HYCC2: variants seen among roughly 807,000 people sequenced by gnomAD.
HYCC2 encodes the protein hyccin 2.
chr2:201,060,864 T>A, the HYCC2 span, among the ~76,000 whole-genome samples: 1 of 151,980 alleles, frequency 6.6e-6, no homozygotes, highest in African/African-American at 2.4e-5. Flanking sequence ...GAAGCAAGAC[T>A]GAAAAAAGAG....
chr2:200,995,026 A>G, the HYCC2 span, among the ~76,000 whole-genome samples: 2 of 151,892 alleles, frequency 1.3e-5, no homozygotes. Flanking sequence ...AAAAAGAAAG[A>G]AAAAAATTCT....
the HYCC2 span, among the ~76,000 whole-genome samples, chr2:201,024,759 T>C: frequency 2.9e-3 from 435 of 152,222 alleles, 2 homozygotes; most frequent in African/African-American, 0.01. Flanking sequence ...GCAAACTGAA[T>C]ATAAACATAT....
the HYCC2 span, among the ~76,000 whole-genome samples, chr2:201,044,241 T>C: frequency 6.6e-6 from 1 of 152,172 alleles, no homozygotes; most frequent in Non-Finnish European, 1.5e-5. Flanking sequence ...AATGATGACC[T>C]TTTTATTATT....
the HYCC2 span, among the ~76,000 whole-genome samples, chr2:201,001,144 A>AT: frequency 6.6e-6 from 1 of 151,592 alleles, no homozygotes; most frequent in Non-Finnish European, 1.5e-5. Flanking sequence ...TCTCAAAAAA[A>AT]AAAAAAAAAA....
chr2:201,054,349 G>C, the HYCC2 span, among the ~76,000 whole-genome samples: 1 of 152,166 alleles, frequency 6.6e-6, no homozygotes, highest in Non-Finnish European at 1.5e-5. Context: ...CTATAACTGT[G>C]AATAAAATGA....
the HYCC2 span, among the ~76,000 whole-genome samples, chr2:201,056,609 G>A: frequency 6.6e-6 from 1 of 151,596 alleles, no homozygotes; most frequent in Non-Finnish European, 1.5e-5. Context: ...GGGAGGCGGA[G>A]GTTGCGGTGA....
the HYCC2 span, among the ~76,000 whole-genome samples, chr2:201,058,534 G>A: frequency 1.5e-3 from 224 of 152,182 alleles, 1 homozygote; most frequent in South Asian, 0.017. Flanking sequence ...GTGAAACCCC[G>A]TCTCTACTAA....
At chr2:201,008,607 T>C in the HYCC2 span, among the ~76,000 whole-genome samples, 3 of 151,752 alleles carry the variant, frequency 2.0e-5, no homozygotes, top group South Asian at 6.2e-4. Context: ...AATAAATAAA[T>C]AAATGGGCCA....
At chr2:201,059,635 G>T in the HYCC2 span, among the ~76,000 whole-genome samples, 7,886 of 152,072 alleles carry the variant, frequency 0.052, 474 homozygotes, top group African/African-American at 0.14. Flanking sequence ...TCCAAAGAAG[G>T]CCTCTCCCCT....
the HYCC2 span, among the ~76,000 whole-genome samples, chr2:201,012,593 A>G: frequency 2.4e-3 from 363 of 152,332 alleles, 1 homozygote; most frequent in African/African-American, 8.0e-3. Flanking sequence ...AAAAAAGACA[A>G]TGGACAATGG....
At chr2:201,047,318 T>C in the HYCC2 span, among the ~76,000 whole-genome samples, 45 of 149,094 alleles carry the variant, frequency 3.0e-4, no homozygotes, top group African/African-American at 1.1e-3. Flanking sequence ...AACTGAAGCA[T>C]AAAGGGAAAA....
chr2:201,008,721 C>A, the HYCC2 span, among the ~76,000 whole-genome samples: 1 of 152,024 alleles, frequency 6.6e-6, no homozygotes, highest in Non-Finnish European at 1.5e-5. Flanking sequence ...ATAGCAAGAC[C>A]TTTTCTCTAC....
chr2:201,067,938 T>C, the HYCC2 span, among the ~76,000 whole-genome samples: 7 of 152,228 alleles, frequency 4.6e-5, no homozygotes, highest in East Asian at 9.7e-4. Flanking sequence ...AACCAAAACA[T>C]TCAGCACAAT....
the HYCC2 span, among the ~76,000 whole-genome samples, chr2:201,016,593 T>A: frequency 6.6e-6 from 1 of 152,056 alleles, no homozygotes; most frequent in Middle Eastern, 3.4e-3. Flanking sequence ...AATTTATTTA[T>A]TATTTTTAAT....
chr2:201,070,131 T>A, the HYCC2 span, among the ~76,000 whole-genome samples: 1 of 152,212 alleles, frequency 6.6e-6, no homozygotes, highest in East Asian at 1.9e-4. Context: ...CAAGTTTTTA[T>A]GTCGTTTGCC....
chr2:201,035,827 A>AC, the HYCC2 span, among the ~76,000 whole-genome samples: 1 of 151,824 alleles, frequency 6.6e-6, no homozygotes, highest in South Asian at 2.1e-4. Flanking sequence ...AATAGTCAGG[A>AC]CCCTCAGCTG....
chr2:201,027,327 C>T, the HYCC2 span, among the ~76,000 whole-genome samples: 1 of 152,032 alleles, frequency 6.6e-6, no homozygotes, highest in East Asian at 1.9e-4. Context: ...AATTAATAGC[C>T]TACCAACCAA....
the HYCC2 span, among the ~76,000 whole-genome samples, chr2:201,053,443 T>C: frequency 2.0e-5 from 3 of 152,240 alleles, no homozygotes; most frequent in East Asian, 1.9e-4. Flanking sequence ...TTTATAGGAA[T>C]GCGAAACTAT....
At chr2:200,996,778 T>C in the HYCC2 span, 1 of 152,254 alleles carries the variant, frequency 6.6e-6, no homozygotes, top group Non-Finnish European at 1.5e-5. Context: ...TTATGAAATG[T>C]ATGGGAAGAG....
Sources: allele counts gnomAD v4.1 joint callset (sites outside exome capture counted in the v4.1 genomes callset), GRCh38; gene constraint gnomAD v4.1.1; transcripts MANE v1.5; gene names NCBI Gene and HGNC (gene_info 2026-07-23, HGNC 2026-07-21).